COX7B2: variants seen among roughly 807,000 people sequenced by gnomAD.
The protein encoded by COX7B2 is cytochrome c oxidase subunit 7B2, mitochondrial.
For missense variants in COX7B2, 109 were observed against 95.9 expected, an observed-to-expected ratio of 1.14 and a Z score of -0.57; for synonymous variants, 37 against 32.1, an observed-to-expected ratio of 1.15 and a Z score of -0.51.
At chr4:46,738,949 T>C (rs1221354751) in intron 2 of COX7B2, among the ~76,000 whole-genome samples, 1 of 152,094 alleles carries the variant, frequency 6.6e-6, no homozygotes, top group Non-Finnish European at 1.5e-5. Context: ...TATGTAGTCA[T>C]CTTAAAGTTC....
At chr4:46,842,288 A>G (rs1033864221) in intron 2 of COX7B2, among the ~76,000 whole-genome samples, 2 of 152,026 alleles carry the variant, frequency 1.3e-5, no homozygotes, top group African/African-American at 4.8e-5. Context: ...GCTTTCCTCT[A>G]TGTGCAGTGG....
chr4:46,762,820 T>G (rs1400695978), intron 2 of COX7B2, among the ~76,000 whole-genome samples: 1 of 148,746 alleles, frequency 6.7e-6, no homozygotes, highest in Non-Finnish European at 1.5e-5. Flanking sequence ...GTTTGCACCC[T>G]GCTCAAGGTC....
chr4:46,797,980 C>T (rs1480313486), intron 2 of COX7B2, among the ~76,000 whole-genome samples: 1 of 152,130 alleles, frequency 6.6e-6, no homozygotes, highest in African/African-American at 2.4e-5. Context: ...AACTGGCCAG[C>T]CCCAGGTCTT....
chr4:46,802,775 TAGAGGAATG>T, intron 2 of COX7B2, among the ~76,000 whole-genome samples: 1 of 152,166 alleles, frequency 6.6e-6, no homozygotes, highest in East Asian at 1.9e-4. Flanking sequence ...AAAAGGAAAT[TAGAGGAATG>T]TGGAACTTGC....
At chr4:46,812,251 T>A (rs1719320514) in intron 2 of COX7B2, among the ~76,000 whole-genome samples, 1 of 151,972 alleles carries the variant, frequency 6.6e-6, no homozygotes, top group African/African-American at 2.4e-5. Flanking sequence ...GAGAATGCAA[T>A]TCTCCCACTA....
chr4:46,903,296 C>A (rs1042519043), intron 1 of COX7B2, among the ~76,000 whole-genome samples: 1 of 152,082 alleles, frequency 6.6e-6, no homozygotes, highest in Non-Finnish European at 1.5e-5. Context: ...ATTCTTCTGC[C>A]ACCTCAGAGG....
chr4:46,850,336 C>T (rs1328645970), intron 1 of COX7B2, among the ~76,000 whole-genome samples: 1 of 151,944 alleles, frequency 6.6e-6, no homozygotes, highest in Non-Finnish European at 1.5e-5. Flanking sequence ...AGGATTTACA[C>T]TTTGATTCTG....
chr4:46,822,787 A>G (rs1160593650), intron 2 of COX7B2, among the ~76,000 whole-genome samples: 5 of 152,366 alleles, frequency 3.3e-5, no homozygotes, highest in East Asian at 3.9e-4. Context: ...GAATGTAGAC[A>G]TAAATTATTA....
chr4:46,796,808 T>C, intron 2 of COX7B2, among the ~76,000 whole-genome samples: 1 of 27,578 alleles, frequency 3.6e-5, no homozygotes, highest in Non-Finnish European at 6.3e-5. Context: ...TGGATGAAAT[T>C]GGAAACCATC....
In COX7B2 at chr4:46,735,166, T is replaced by C. The variant is rs1182097856; in HGVS notation, c.27A>G (p.Ala9=). 1 of 1,613,390 alleles carries C rather than the reference T, an allele frequency of 6.2e-7. No homozygotes were observed. The highest frequency in any genetic ancestry group is 1.3e-5 in the African/African-American group (1 of 74,920). The change falls in exon 3 of 3, where the codon GCA becomes GCG. Residue 9 remains alanine (A), a synonymous_variant. Coordinates refer to ENST00000355591, the MANE Select transcript of COX7B2 (RefSeq NM_130902.3). MMFPLARN[A]LSSLKIQSIL... is the part of the protein sequence containing the mutation. ...TGCTTTGAATCTTGAGACTGCTTAG[T>C]GCATTTCTGGCCAAGGGAAACATCA...
At chr4:46,736,305 G>A (rs1714362919) in intron 2 of COX7B2, among the ~76,000 whole-genome samples, 1 of 152,102 alleles carries the variant, frequency 6.6e-6, no homozygotes, top group South Asian at 2.1e-4. Flanking sequence ...TGGGAGCTCA[G>A]TTTCAAATCC....
intron 1 of COX7B2, among the ~76,000 whole-genome samples, chr4:46,864,786 A>C (rs1413272912): frequency 2.0e-5 from 3 of 152,066 alleles, no homozygotes; most frequent in Admixed American, 6.6e-5. Context: ...CTGGGACTAC[A>C]GGCGCCGGCC....
chr4:46,768,740 G>A lies in COX7B2; in HGVS notation c.-49-33499C>T, dbSNP rs201287416. Reference sequence around the variant, plus strand: ...AATGAATGAAATAATAAAGATGAAAGAATCAAAAAAATACACTAGACAATA... The same window carrying A: ...AATGAATGAAATAATAAAGATGAAAAAATCAAAAAAATACACTAGACAATA... On this transcript the variant is annotated intron_variant, in intron 2 of 2. Transcript: ENST00000355591. Among the ~76,000 whole-genome samples the A allele has an allele frequency of 4.1e-4, 62 of 151,754 alleles. No homozygotes were observed. The East Asian group carries it at 0.012, about 28-fold the overall frequency.
At chr4:46,768,103 C>T (rs751005684) in intron 2 of COX7B2, among the ~76,000 whole-genome samples, 7 of 152,326 alleles carry the variant, frequency 4.6e-5, no homozygotes, top group South Asian at 4.1e-4. Flanking sequence ...CCACGGATTG[C>T]GTAAGTGTTA....
At chr4:46,803,937 G>T (rs548036688) in intron 2 of COX7B2, among the ~76,000 whole-genome samples, 157 of 152,222 alleles carry the variant, frequency 1.0e-3, no homozygotes, top group African/African-American at 3.6e-3. Context: ...TTGGTGGGTT[G>T]TTGGTCTCAC....
intron 1 of COX7B2, among the ~76,000 whole-genome samples, chr4:46,905,690 A>G (rs1380369931): frequency 2.6e-5 from 4 of 151,892 alleles, no homozygotes; most frequent in Non-Finnish European, 4.4e-5. Context: ...TCCCTCTACA[A>G]TATGTTTTTA....
At chr4:46,775,072 T>C (rs899284512) in intron 2 of COX7B2, among the ~76,000 whole-genome samples, 2 of 151,960 alleles carry the variant, frequency 1.3e-5, no homozygotes, top group Non-Finnish European at 2.9e-5. Flanking sequence ...CTTAACTACA[T>C]AATTACCTCA....
intron 2 of COX7B2, among the ~76,000 whole-genome samples, chr4:46,769,984 C>A (rs1321728917): frequency 6.6e-6 from 1 of 152,110 alleles, no homozygotes; most frequent in Admixed American, 6.5e-5. Context: ...CTACACAGTA[C>A]AGGAAGGCCT....
chr4:46,834,971 T>C (rs1715406812), intron 2 of COX7B2, among the ~76,000 whole-genome samples: 1 of 151,996 alleles, frequency 6.6e-6, no homozygotes, highest in Non-Finnish European at 1.5e-5. Context: ...AAGAAGCAAA[T>C]TATATAAACT....
Sources: gnomAD v4.1 joint callset for allele counts (sites outside exome capture counted in the v4.1 genomes callset) on GRCh38, gnomAD v4.1.1 for gene constraint, MANE v1.5 for transcripts, NCBI Gene and HGNC (gene_info 2026-07-23, HGNC 2026-07-21) for gene names.